The following TRPC1 variants were observed in gnomAD, a reference collection of about 807,000 sequenced individuals.
The protein encoded by TRPC1 is transient receptor potential cation channel subfamily C member 1.
In TRPC1, 42 loss-of-function variants were observed where a neutral mutation model predicts 88.2. The observed-to-expected ratio is 0.48, with a 90% CI of 0.37 to 0.62. The LOEUF is 0.62. Among genes scored for constraint, TRPC1 ranks in the 20% least tolerant of loss-of-function variants. TRPC1 has a pLI of 0.00. For synonymous variants in TRPC1, 288 were observed against 331.8 expected (o/e 0.87, Z 1.43); for missense variants, 699 against 957.3 (o/e 0.73, Z 3.56).
chr3:142,795,188 T>A (rs1936414676), intron 9 of TRPC1, among the ~76,000 whole-genome samples: 1 of 152,038 alleles, frequency 6.6e-6, no homozygotes, highest in Admixed American at 6.6e-5. Context: ...AAAGAATTTT[T>A]AAAAATGAAA....
intron 1 of TRPC1, among the ~76,000 whole-genome samples, chr3:142,729,232 G>A (rs1933801542): frequency 6.6e-6 from 1 of 152,148 alleles, no homozygotes; most frequent in African/African-American, 2.4e-5. Context: ...TATGATACTG[G>A]TAATTCTTTA....
chr3:142,742,839 T>G (rs1469274901), intron 2 of TRPC1, among the ~76,000 whole-genome samples: 2 of 152,166 alleles, frequency 1.3e-5, no homozygotes, highest in African/African-American at 4.8e-5. Context: ...CTTTCGGATC[T>G]TCACAGTGAG....
intron 1 of TRPC1, among the ~76,000 whole-genome samples, chr3:142,729,293 A>G (rs1933803749): frequency 1.3e-5 from 2 of 152,206 alleles, no homozygotes; most frequent in South Asian, 2.1e-4. Context: ...CAATCAAACT[A>G]TACTTATCAA....
chr3:142,744,888 A>G (rs1934487443), intron 3 of TRPC1, among the ~76,000 whole-genome samples: 1 of 152,236 alleles, frequency 6.6e-6, no homozygotes, highest in Non-Finnish European at 1.5e-5. Flanking sequence ...CAAGCAGTTT[A>G]AATAACTGCT....
rs199954083 is a variant in TRPC1, at chr3:142,730,717, T to TTAA, written c.173-5661_173-5660insAAT. On this transcript the variant is annotated intron_variant, in intron 1 of 12. Transcript: ENST00000476941. ...ATATTTCCAGATCCAGCAACTGAAC[T>TTAA]TGATCATGTCTTTTTATTTTTTCAC... is the stretch of plus-strand genomic sequence containing the variant. Among the ~76,000 whole-genome samples the TTAA allele has an allele frequency of 8.7e-3, 1,005 of 115,522 alleles. 16 individuals carry two copies. Among genetic ancestry groups the TTAA allele is most frequent in the African/African-American group, 0.037 (955 of 25,850 alleles). The allele number at this position is 115,522 out of a possible 152,430, so 75.8% of individuals were successfully genotyped here. A position where few individuals can be genotyped will look rare whatever the true frequency, so the allele number is the denominator to read the frequency against.
chr3:142,805,969 G>T (rs76117823), intron 12 of TRPC1, 39 bp from the exon 13 acceptor site: 3 of 1,555,518 alleles, frequency 1.9e-6, no homozygotes, highest in Middle Eastern at 3.4e-4. Context: ...TTTAAATATC[G>T]TTTCTGCATA....
chr3:142,753,832 C>A (rs529031113), intron 4 of TRPC1, among the ~76,000 whole-genome samples: 1 of 151,822 alleles, frequency 6.6e-6, no homozygotes, highest in Non-Finnish European at 1.5e-5. Flanking sequence ...TGGTGGCTCA[C>A]GCCTATAATC....
At chr3:142,779,980 T>C (rs1935908805) in intron 5 of TRPC1, among the ~76,000 whole-genome samples, 1 of 151,504 alleles carries the variant, frequency 6.6e-6, no homozygotes, top group South Asian at 2.1e-4. Flanking sequence ...CCTGAGTAGC[T>C]GGGATTACAG....
Position 142,804,581 on chromosome 3 carries a change from T to C in TRPC1, c.2105T>C (p.Ile702Thr). The C allele has an allele frequency of 6.2e-7, 1 of 1,611,640 alleles. No individual in the cohort carries two copies. ...ATGATTAGTAGCCTCAGTAAGTGGA[T>C]TTGCTCTCATACATCAAAAGGCAAG... Reference protein sequence around the residue: ...CYMISSLSKWICSHTSKGKVK... With the variant: ...CYMISSLSKWTCSHTSKGKVK... Residue 702 changes from isoleucine to threonine, a missense_variant, in exon 12 of 13, where the codon ATT (isoleucine) becomes ACT (threonine). By Grantham distance (89) the Ile-to-Thr change is moderately conservative. This residue lies in a region of TRPC1 where 105 missense variants were observed against 141.7 expected (regional missense o/e 0.74). Coordinates refer to ENST00000476941, the MANE Select transcript of TRPC1 (RefSeq NM_001251845.2).
chr3:142,784,966 A>G lies in TRPC1; in HGVS notation c.1223A>G (p.Tyr408Cys). The G allele has an allele frequency of 6.2e-7, 1 of 1,613,908 alleles. No individual in the cohort carries two copies. Among genetic ancestry groups the G allele is most frequent in the Non-Finnish European group, 8.5e-7 (1 of 1,179,944 alleles). ...TTGCTTAATCTATACTCTCTTGTCT[A>G]CAATGAGGATAAGAAAAACACAATG... ...LLLLNLYSLV[Y>C]NEDKKNTMGP... Residue 408 changes from tyrosine to cysteine, a missense_variant, in exon 7 of 13, where the codon TAC (tyrosine) becomes TGC (cysteine). Coordinates refer to ENST00000476941, the MANE Select transcript of TRPC1 (RefSeq NM_001251845.2).
intron 3 of TRPC1, among the ~76,000 whole-genome samples, chr3:142,745,421 A>T (rs910955025): frequency 6.6e-6 from 1 of 152,130 alleles, no homozygotes; most frequent in Non-Finnish European, 1.5e-5. Flanking sequence ...AGGCGGGTGG[A>T]ACATCTGAGG....
intron 7 of TRPC1, among the ~76,000 whole-genome samples, chr3:142,787,713 G>C (rs1031222176): frequency 6.6e-6 from 1 of 152,146 alleles, no homozygotes; most frequent in South Asian, 2.1e-4. Context: ...AACTTGACTT[G>C]AGAATCATAT....
intron 12 of TRPC1, among the ~76,000 whole-genome samples, chr3:142,805,492 G>C (rs1936767401): frequency 6.6e-6 from 1 of 152,048 alleles, no homozygotes; most frequent in Non-Finnish European, 1.5e-5. Flanking sequence ...CAGTGATACA[G>C]TAAGAGAGAA....
intron 2 of TRPC1, 106 bp downstream of exon 2, chr3:142,736,639 T>G: frequency 9.9e-7 from 1 of 1,008,754 alleles, no homozygotes; most frequent in Non-Finnish European, 1.4e-6. Flanking sequence ...TCTTCTTCCT[T>G]TCTTTTTCTT....
intron 7 of TRPC1, among the ~76,000 whole-genome samples, chr3:142,785,872 A>G (rs1431103025): frequency 6.6e-6 from 1 of 152,224 alleles, no homozygotes; most frequent in Non-Finnish European, 1.5e-5. Context: ...TTTAGATTTA[A>G]AGGAGTCCCT....
At chr3:142,773,065 A>G (rs1410846529) in intron 4 of TRPC1, among the ~76,000 whole-genome samples, 2 of 152,082 alleles carry the variant, frequency 1.3e-5, no homozygotes, top group Non-Finnish European at 2.9e-5. Context: ...CTTTTTAAAG[A>G]CTCCATCTCC....
intron 1 of TRPC1, among the ~76,000 whole-genome samples, chr3:142,734,925 C>G (rs1934073527): frequency 6.6e-6 from 1 of 152,124 alleles, no homozygotes; most frequent in Non-Finnish European, 1.5e-5. Context: ...GAAATAGAGT[C>G]ACCTGAAATA....
rs1560110267 is a variant in TRPC1, at chr3:142,777,708, G to C, written c.709G>C (p.Ala237Pro). Residue 237 changes from alanine to proline, a missense_variant, in exon 5 of 13, where the codon GCA becomes CCA. This residue lies in a region of TRPC1 where 426 missense variants were observed against 641.3 expected (regional missense o/e 0.66). Coordinates refer to ENST00000476941, the MANE Select transcript of TRPC1 (RefSeq NM_001251845.2). ...AACAGAGGAGGATCCAATTCTGAGA[G>C]CATTTGAACTTAGTGCTGATTTAAA... ...MLTEEDPILR[A>P]FELSADLKEL... 1 of 1,613,304 alleles carries C rather than the reference G, an allele frequency of 6.2e-7. No individual in the cohort carries two copies. Among genetic ancestry groups the C allele is most frequent in the Non-Finnish European group, 8.5e-7 (1 of 1,179,450 alleles).
intron 9 of TRPC1, among the ~76,000 whole-genome samples, chr3:142,801,837 G>A (rs1033419443): frequency 6.6e-6 from 1 of 151,956 alleles, no homozygotes; most frequent in African/African-American, 2.4e-5. Flanking sequence ...GTTTGAGCAG[G>A]GTATTTTCCT....
Sources: gnomAD v4.1 joint callset for allele counts (sites outside exome capture counted in the v4.1 genomes callset) on GRCh38, gnomAD v4.1.1 for gene constraint, gnomAD v4.1.1 regional missense constraint, MANE v1.5 for transcripts, NCBI Gene and HGNC (gene_info 2026-07-23, HGNC 2026-07-21) for gene names.